The following ATRNL1 variants were observed in gnomAD, a reference collection of about 807,000 sequenced individuals.
ATRNL1 encodes the protein attractin-like protein 1.
ATRNL1 carries 95 observed loss-of-function variants against 182.7 expected under a neutral mutation model. That is an observed-to-expected ratio of 0.52 (90% CI 0.44 to 0.62). The LOEUF is 0.62. Ranked by LOEUF, ATRNL1 falls within the 20% of genes least tolerant of loss-of-function variation. The pLI is 0.00. For synonymous variants in ATRNL1, 576 were observed against 568.3 expected, an observed-to-expected ratio of 1.01 and a Z score of -0.19; for missense variants, 1,471 against 1,679.5, an observed-to-expected ratio of 0.88 and a Z score of 2.17.
intron 1 of ATRNL1, among the ~76,000 whole-genome samples, chr10:115,119,126 C>G (rs1554870770): frequency 6.6e-6 from 1 of 152,034 alleles, no homozygotes; most frequent in Non-Finnish European, 1.5e-5. Flanking sequence ...GAATTTGTTG[C>G]TCTTCAAAGA....
At chr10:115,139,287 A>G (rs1257697824) in intron 5 of ATRNL1, among the ~76,000 whole-genome samples, 1 of 152,192 alleles carries the variant, frequency 6.6e-6, no homozygotes, top group Non-Finnish European at 1.5e-5. Flanking sequence ...AGTCACTTCT[A>G]CATTTTCGGG....
At chr10:115,542,220 T>C (rs2133790000) in intron 25 of ATRNL1, among the ~76,000 whole-genome samples, 1 of 152,198 alleles carries the variant, frequency 6.6e-6, no homozygotes, top group East Asian at 1.9e-4. Context: ...TAGGAAAAAA[T>C]TTAAGAGTGA....
chr10:115,729,235 GTTCT>G (rs1344992880), intron 27 of ATRNL1, among the ~76,000 whole-genome samples: 21 of 152,068 alleles, frequency 1.4e-4, no homozygotes, highest in East Asian at 9.7e-4. Flanking sequence ...CCAAATGTTG[GTTCT>G]TTCTTTATCA....
At chr10:115,550,960 G>A (rs992653984) in intron 26 of ATRNL1, among the ~76,000 whole-genome samples, 4 of 151,652 alleles carry the variant, frequency 2.6e-5, no homozygotes, top group Non-Finnish European at 4.4e-5. Context: ...TTTATAAAAT[G>A]CATCTATGTA....
chr10:115,515,532 A>G (rs1365921786), intron 24 of ATRNL1, among the ~76,000 whole-genome samples: 1 of 151,832 alleles, frequency 6.6e-6, no homozygotes, highest in Non-Finnish European at 1.5e-5. Context: ...AATGTACCTT[A>G]TAAAAGCTAC....
At chr10:115,944,460 TC>T (rs1953825166) in intron 28 of ATRNL1, among the ~76,000 whole-genome samples, 197 bp from the exon 29 acceptor site, 1 of 152,134 alleles carries the variant, frequency 6.6e-6, no homozygotes, top group African/African-American at 2.4e-5. Flanking sequence ...AGATCTTTCT[TC>T]TTCTTCCTTG....
At chr10:115,532,847 T>A (rs1406071511) in intron 25 of ATRNL1, among the ~76,000 whole-genome samples, 1 of 152,018 alleles carries the variant, frequency 6.6e-6, no homozygotes, top group Non-Finnish European at 1.5e-5. Flanking sequence ...GGTTGTTGAA[T>A]CTTTTCTGCA....
At position 115,212,931 on chromosome 10, in the gene ATRNL1, A is replaced by G. The variant is rs190709106; in HGVS notation, c.1349-2766A>G. Among the ~76,000 whole-genome samples, 1,185 of 152,228 alleles carry G rather than the reference A, an allele frequency of 7.8e-3. 18 individuals carry two copies. The highest frequency in any genetic ancestry group is 0.027 in the African/African-American group (1,104 of 41,546). On this transcript the variant is annotated intron_variant, in intron 8 of 28. Coordinates refer to ENST00000355044, the MANE Select transcript of ATRNL1 (RefSeq NM_207303.4). Reference sequence around the variant, plus strand: ...ATACTTGGGTGATGAAATAATCTATACAACAAACCCCCGTGACATAGATTT... The same window carrying G: ...ATACTTGGGTGATGAAATAATCTATGCAACAAACCCCCGTGACATAGATTT...
intron 27 of ATRNL1, among the ~76,000 whole-genome samples, chr10:115,741,745 G>A (rs1204797467): frequency 1.3e-5 from 2 of 152,214 alleles, no homozygotes; most frequent in Admixed American, 6.6e-5. Flanking sequence ...GTAAGTAACT[G>A]AATATAGGGA....
intron 5 of ATRNL1, among the ~76,000 whole-genome samples, chr10:115,148,631 C>T (rs565879123): frequency 3.3e-5 from 5 of 150,968 alleles, no homozygotes; most frequent in African/African-American, 1.2e-4. Context: ...CGTGGACACA[C>T]AATGAGTGGG....
chr10:115,292,773 C>G (rs2133955264), intron 15 of ATRNL1, among the ~76,000 whole-genome samples: 1 of 152,134 alleles, frequency 6.6e-6, no homozygotes, highest in Middle Eastern at 3.4e-3. Flanking sequence ...TGCTTTGTGT[C>G]CTACCATATA....
intron 28 of ATRNL1, among the ~76,000 whole-genome samples, chr10:115,881,318 C>T (rs757617030): frequency 6.6e-5 from 10 of 152,176 alleles, no homozygotes; most frequent in Admixed American, 2.0e-4. Context: ...GCATTTCAGC[C>T]GGTGCCCAGC....
intron 26 of ATRNL1, among the ~76,000 whole-genome samples, chr10:115,684,768 C>T (rs782152678): frequency 6.6e-5 from 10 of 151,526 alleles, no homozygotes; most frequent in Non-Finnish European, 1.0e-4. Context: ...TCAGATAATT[C>T]AACCCAAATT....
intron 26 of ATRNL1, among the ~76,000 whole-genome samples, chr10:115,631,899 T>C (rs1858536228): frequency 6.6e-6 from 1 of 152,088 alleles, no homozygotes; most frequent in South Asian, 2.1e-4. Context: ...GAGTCTATAT[T>C]CCAACCCATA....
chr10:115,538,785 A>G (rs184891064), intron 25 of ATRNL1, among the ~76,000 whole-genome samples: 1 of 152,298 alleles, frequency 6.6e-6, no homozygotes, highest in Non-Finnish European at 1.5e-5. Flanking sequence ...TCAAGTTAAC[A>G]TAGATTTCTT....
intron 8 of ATRNL1, among the ~76,000 whole-genome samples, chr10:115,176,089 T>C (rs1398939383): frequency 1.3e-5 from 2 of 152,230 alleles, no homozygotes; most frequent in Admixed American, 6.5e-5. Context: ...CATGTGTTTG[T>C]TGGCTGCATA....
chr10:115,789,121 G>A (rs752231084), intron 27 of ATRNL1, among the ~76,000 whole-genome samples: 5 of 152,134 alleles, frequency 3.3e-5, no homozygotes, highest in African/African-American at 7.2e-5. Flanking sequence ...CAGTGAATTC[G>A]TCTTTTGCAG....
At chr10:115,450,126 A>G (rs1393791479) in intron 21 of ATRNL1, among the ~76,000 whole-genome samples, 1 of 152,194 alleles carries the variant, frequency 6.6e-6, no homozygotes, top group Non-Finnish European at 1.5e-5. Flanking sequence ...TTAAAGGAAC[A>G]TACCTCAAAA....
At chr10:115,159,013 A>T (rs1230792846) in intron 5 of ATRNL1, among the ~76,000 whole-genome samples, 1 of 151,812 alleles carries the variant, frequency 6.6e-6, no homozygotes, top group African/African-American at 2.4e-5. Context: ...TGGTGGGAGA[A>T]TTATGTTGTC....
Sources: allele counts gnomAD v4.1 joint callset (sites outside exome capture counted in the v4.1 genomes callset), GRCh38; gene constraint gnomAD v4.1.1; transcripts MANE v1.5; gene names NCBI Gene and HGNC (gene_info 2026-07-23, HGNC 2026-07-21).